The following INTS2 variants were observed in gnomAD, a reference collection of about 807,000 sequenced individuals.
INTS2 encodes the protein KIAA1287.
In INTS2, 57 loss-of-function variants were observed where a neutral mutation model predicts 139.6. The observed-to-expected ratio is 0.41, with a 90% CI of 0.33 to 0.51. The LOEUF (loss-of-function observed/expected upper bound fraction) is 0.51, where lower values mean the gene tolerates loss of function less well. Ranked by LOEUF, INTS2 falls within the 20% of genes least tolerant of loss-of-function variation. INTS2 has a pLI of 0.28. For missense variants in INTS2, 1,196 were observed against 1,436.7 expected, an observed-to-expected ratio of 0.83 and a Z score of 2.71; for synonymous variants, 473 against 493.4, an observed-to-expected ratio of 0.96 and a Z score of 0.55.
chr17:61,868,945 G>C lies in INTS2; in HGVS notation c.3244+89C>G, dbSNP rs1294944657. 7 of 774,344 alleles carry C rather than the reference G, an allele frequency of 9.0e-6. No individual in the cohort carries two copies. Among genetic ancestry groups the C allele is most frequent in the Non-Finnish European group, 1.5e-5 (7 of 454,674 alleles). The allele number at this position is 774,344 out of a possible 1,614,324, so 48.0% of individuals were successfully genotyped here. ...TGTATCATACTGTCTCAGAGTGACAGAAAAAACATATTGCATCACTAAATG... is the reference window on the plus strand; with the variant it reads ...TGTATCATACTGTCTCAGAGTGACACAAAAAACATATTGCATCACTAAATG... On this transcript the variant is annotated intron_variant, in intron 23 of 24. Transcript: ENST00000251334. The surrounding 1 kb of genome is among the most constrained non-coding windows in gnomAD (Gnocchi z 4.7).
intron 5 of INTS2, among the ~76,000 whole-genome samples, chr17:61,912,317 C>T (rs2079534344): frequency 6.9e-6 from 1 of 145,276 alleles, no homozygotes; most frequent in Non-Finnish European, 1.5e-5. Flanking sequence ...CATTTGAGGG[C>T]CACGGACAGT....
At position 61,875,113 on chromosome 17, in the gene INTS2, CT is replaced by C; in HGVS notation, c.2457-76del. ...TCTGTAGCCATCCAGTCCTTTCTAT[CT>C]TAGAAAGTTATATTCAGTAAATAAT... On this transcript the variant is annotated intron_variant, in intron 18 of 24. Transcript: ENST00000251334. The surrounding 1 kb of genome is among the most constrained non-coding windows in gnomAD (Gnocchi z 4.6). The C allele has an allele frequency of 9.2e-7, 1 of 1,087,174 alleles. No homozygotes were observed. The highest frequency in any genetic ancestry group is 1.2e-6 in the Non-Finnish European group (1 of 804,492). The allele number at this position is 1,087,174 out of a possible 1,614,324, so 67.3% of individuals were successfully genotyped here.
At chr17:61,885,555 GA>G (rs2079219258) in intron 15 of INTS2, among the ~76,000 whole-genome samples, 1 of 151,624 alleles carries the variant, frequency 6.6e-6, no homozygotes, top group Non-Finnish European at 1.5e-5. Context: ...GATTGGCTGG[GA>G]TAACAGGCAT....
chr17:61,906,830 C>CAAAAAAAAAAAA (rs60672452), intron 8 of INTS2, among the ~76,000 whole-genome samples: 1 of 101,920 alleles, frequency 9.8e-6, no homozygotes. Context: ...ACTAAAAATA[C>CAAAAAAAAAAAA]AAAAAAAAAA....
chr17:61,896,231 C>G (rs1365913516), intron 11 of INTS2, among the ~76,000 whole-genome samples: 2 of 127,928 alleles, frequency 1.6e-5, no homozygotes, highest in Admixed American at 1.9e-4. Context: ...CAGAGCAAGA[C>G]TCCATCTCAA....
At position 61,868,105 on chromosome 17, in the gene INTS2, A is replaced by G; in HGVS notation, c.3245-96T>C. The G allele has an allele frequency of 9.9e-7, 1 of 1,006,476 alleles. No individual in the cohort carries two copies. Among genetic ancestry groups the G allele is most frequent in the Non-Finnish European group, 1.4e-6 (1 of 722,652 alleles). 62.3% of individuals were successfully genotyped at this position (1,006,476 alleles called of 1,614,324 possible). A position where few individuals can be genotyped will look rare whatever the true frequency, so the allele number is the denominator to read the frequency against. On this transcript the variant is annotated intron_variant, in intron 23 of 24. Coordinates refer to ENST00000251334, the MANE Select transcript of INTS2 (RefSeq NM_001351695.2). The surrounding 1 kb of genome is among the most constrained non-coding windows in gnomAD (Gnocchi z 4.7). ...AGGGGAACTATGCTCTGTGCTGGAG[A>G]TATGAAGTTCTCTAAACACAGCCAA...
chr17:61,901,912 G>A (rs9910772), intron 9 of INTS2, among the ~76,000 whole-genome samples: 1 of 151,966 alleles, frequency 6.6e-6, no homozygotes, highest in Admixed American at 6.6e-5. Context: ...TGCTCCTTCA[G>A]AATGGGTATG....
At chr17:61,912,431 T>C (rs1046906623) in intron 5 of INTS2, among the ~76,000 whole-genome samples, 1 of 144,414 alleles carries the variant, frequency 6.9e-6, no homozygotes. Flanking sequence ...GAGACTAGCC[T>C]GGCCAACATG....
rs530931231 is a variant in INTS2, at chr17:61,909,023, C to T, written c.955-1389G>A. Among the ~76,000 whole-genome samples the T allele has an allele frequency of 1.3e-5, 2 of 152,244 alleles. No individual in the cohort carries two copies. The highest frequency in any genetic ancestry group is 1.3e-4 in the Admixed American group (2 of 15,286). The stretch of plus-strand genomic sequence containing the variant: ...TAAATTAGTTTTTGAAAAATTAAAA[C>T]ATTTTGCAAGTTAAAAACTGTTGCA... On this transcript the variant is annotated intron_variant, in intron 7 of 24. Coordinates refer to ENST00000251334, the MANE Select transcript of INTS2 (RefSeq NM_001351695.2). The surrounding 1 kb of genome is among the most constrained non-coding windows in gnomAD (Gnocchi z 4.9).
In INTS2 at chr17:61,919,439, A is replaced by G; in HGVS notation, c.610T>C (p.Cys204Arg). Residue 204 changes from cysteine to arginine, a missense_variant, in exon 5 of 25, where the codon TGT (cysteine) becomes CGT (arginine). Cys to Arg is a radical substitution (Grantham distance 180). This residue lies in a region of INTS2 where 1,129 missense variants were observed against 1,341.9 expected (regional missense o/e 0.84). Coordinates refer to ENST00000251334, the MANE Select transcript of INTS2 (RefSeq NM_001351695.2). Reference sequence around the variant, plus strand: ...TCAGGAACATTGGCCACCAAGAGACACAAGAACCAGGCACCATTTCTAACA... The same window carrying G: ...TCAGGAACATTGGCCACCAAGAGACGCAAGAACCAGGCACCATTTCTAACA... Reference protein sequence around the residue: ...LHVRNGAWFLCLLVANVPDSF... With the variant: ...LHVRNGAWFLRLLVANVPDSF... 6.2e-7 allele frequency: 1 copy of G among 1,600,506 alleles called. No homozygotes were observed. The highest frequency in any genetic ancestry group is 8.5e-7 in the Non-Finnish European group (1 of 1,172,102).
In INTS2 at chr17:61,882,896, A is replaced by C. The variant is rs2079190250; in HGVS notation, c.2090-1725T>G. On this transcript the variant is annotated intron_variant, in intron 16 of 24. Transcript: ENST00000251334. The surrounding 1 kb of genome is among the most constrained non-coding windows in gnomAD (Gnocchi z 4.7). ...AGTAGTAGGAATCAAAGTACTTTAG[A>C]TCTAATTATCCTTTTATTATGCAAA... Among the ~76,000 whole-genome samples the C allele has an allele frequency of 6.6e-6, 1 of 152,358 alleles. No homozygotes were observed. The highest frequency in any genetic ancestry group is 1.9e-4 in the East Asian group (1 of 5,190).
chr17:61,893,957 AAGAG>A lies in INTS2; in HGVS notation c.1564-62_1564-59del. ...AGAACTAAATATAAAATTATTTTGA[AAGAG>A]AGATTAGTAAGTAGACTGTCAACAC... is the stretch of plus-strand genomic sequence containing the variant. On this transcript the variant is annotated intron_variant, in intron 12 of 24. Transcript: ENST00000251334. The surrounding 1 kb of genome is among the most constrained non-coding windows in gnomAD (Gnocchi z 5.4). The A allele has an allele frequency of 8.1e-7, 1 of 1,227,528 alleles. No homozygotes were observed. Among genetic ancestry groups the A allele is most frequent in the South Asian group, 1.8e-5 (1 of 57,088 alleles). The allele number at this position is 1,227,528 out of a possible 1,614,324, so 76.0% of individuals were successfully genotyped here.
At chr17:61,884,729 A>C (rs898112177) in intron 16 of INTS2, among the ~76,000 whole-genome samples, 172 bp downstream of exon 16, 1 of 152,164 alleles carries the variant, frequency 6.6e-6, no homozygotes, top group Non-Finnish European at 1.5e-5. Context: ...TTTAGGGGGC[A>C]GGCTGGTTTG....
chr17:61,925,127 T>A, intron 2 of INTS2, 28 bp from the exon 3 acceptor site: 1 of 1,597,380 alleles, frequency 6.3e-7, no homozygotes, highest in Non-Finnish European at 8.6e-7. Context: ...ATGTAACAAT[T>A]ATGAAAACAC....
At chr17:61,890,717 C>G (rs755373666) in intron 14 of INTS2, among the ~76,000 whole-genome samples, 3 of 150,226 alleles carry the variant, frequency 2.0e-5, no homozygotes, top group Non-Finnish European at 4.4e-5. Context: ...AGTACTTGAT[C>G]AAATACACAA....
chr17:61,888,738 T>C (rs747706637), intron 15 of INTS2, among the ~76,000 whole-genome samples: 23 of 151,992 alleles, frequency 1.5e-4, no homozygotes, highest in Non-Finnish European at 2.1e-4. Flanking sequence ...AAAACGAAAC[T>C]CTTCGGCCAG....
rs1416239462 is a variant in INTS2 at position 61,904,543 on chromosome 17, C to T, written c.1224G>A (p.Thr408=). 3 of 1,612,062 alleles carry T rather than the reference C, an allele frequency of 1.9e-6. No individual in the cohort carries two copies. The highest frequency in any genetic ancestry group is 2.5e-6 in the Non-Finnish European group (3 of 1,178,832). Residue 408 remains threonine, a synonymous_variant, in exon 9 of 25, where the codon ACG becomes ACA. Coordinates refer to ENST00000251334, the MANE Select transcript of INTS2 (RefSeq NM_001351695.2). ...EEAEQLLQLM[T]SRPPATPAGV... is the part of the protein sequence containing the mutation. Reference sequence around the variant, plus strand: ...CAGCTGGCGTAGCAGGAGGACGGCTCGTCATCAACTGCAGTAATTGCTCAG... The same window carrying T: ...CAGCTGGCGTAGCAGGAGGACGGCTTGTCATCAACTGCAGTAATTGCTCAG...
In INTS2 at chr17:61,869,444, T is replaced by TA; in HGVS notation, c.3031-65dup. On this transcript the variant is annotated intron_variant, in intron 21 of 24. Transcript: ENST00000251334. This position sits in a 1 kb window ranked among gnomAD's most constrained non-coding sequence, Gnocchi z 5.4. ...ATAACTATAAAAGTACAGATAAAAA[T>TA]ACAAATGAAAGATTTCATTTCCTTT... is the stretch of plus-strand genomic sequence containing the variant. 1 of 1,177,424 alleles carries TA rather than the reference T, an allele frequency of 8.5e-7. No individual in the cohort carries two copies. Among genetic ancestry groups the TA allele is most frequent in the East Asian group, 2.6e-5 (1 of 38,960 alleles). The allele number at this position is 1,177,424 out of a possible 1,614,324, so 72.9% of individuals were successfully genotyped here.
chr17:61,906,851 T>C (rs2079469164), intron 8 of INTS2, among the ~76,000 whole-genome samples: 1 of 129,446 alleles, frequency 7.7e-6, no homozygotes, highest in African/African-American at 3.0e-5. Flanking sequence ...AAAAAAAAAT[T>C]AGCCGGGTGT....
Sources: allele counts gnomAD v4.1 joint callset (sites outside exome capture counted in the v4.1 genomes callset), GRCh38; gene constraint gnomAD v4.1.1; regional missense constraint gnomAD v4.1.1; non-coding constraint Gnocchi (gnomAD v3.1); transcripts MANE v1.5; gene names NCBI Gene and HGNC (gene_info 2026-07-23, HGNC 2026-07-21).